Variants in BAAT observed in about 807,000 individuals in gnomAD.
BAAT encodes the protein bile acid-CoA:amino acid N-acyltransferase, also known as bile acid CoA: amino acid N-acyltransferase (glycine N-choloyltransferase).
BAAT carries 13 observed loss-of-function variants against 18.9 expected under a neutral mutation model. The ratio of observed to expected loss-of-function variants is 0.69; its 90% CI spans 0.45 to 1.10. The LOEUF is 1.10. Ranked by LOEUF, BAAT falls within the 50% of genes least tolerant of loss-of-function variation. The pLI, the probability that BAAT is intolerant of heterozygous loss-of-function variation, is 0.00. For synonymous variants in BAAT, 170 were observed against 190.7 expected (o/e 0.89, Z 0.89); for missense variants, 489 against 504.0 (o/e 0.97, Z 0.28).
rs758476278 is a variant in BAAT at position 101,371,347 on chromosome 9, G to T, written c.58C>A (p.Arg20=). 8 of 1,613,678 alleles carry T rather than the reference G, an allele frequency of 5.0e-6. 1 individual carries two copies. In the South Asian group the frequency reaches 8.8e-5, roughly 18 times the overall value. The change falls in exon 2 of 4, where the codon CGA becomes AGA. Residue 20 remains arginine (R), a synonymous_variant. Transcript: ENST00000259407. ...TGAAAGGGAATCAGGCCTGTAGCTC[G>T]GATATGCACTGGCTCATCAACAAGT... is the stretch of plus-strand genomic sequence containing the variant. ...SALVDEPVHI[R]ATGLIPFQMV... is the part of the protein sequence containing the mutation.
intron 1 of BAAT, chr9:101,375,678 G>C (rs932718338): frequency 6.5e-6 from 1 of 154,968 alleles, no homozygotes; most frequent in Non-Finnish European, 1.4e-5. Context: ...AACCGCGGGC[G>C]AACTGGGAGG....
rs957226162 is a variant in BAAT at position 101,362,221 on chromosome 9, T to C, written c.*207A>G. On this transcript the variant is annotated 3_prime_UTR_variant, in exon 4 of 4. Coordinates refer to ENST00000259407, the MANE Select transcript of BAAT (RefSeq NM_001701.4). ...GTAAATAATAAGTAAAATGATTTGT[T>C]TTATGATTTATTCACCATGTCCAGT... 1.6e-6 allele frequency: 1 copy of C among 624,270 alleles called. No homozygotes were observed. The highest frequency in any genetic ancestry group is 2.8e-6 in the Non-Finnish European group (1 of 358,784). 38.7% of individuals were successfully genotyped at this position (624,270 alleles called of 1,614,324 possible). A position where few individuals can be genotyped will look rare whatever the true frequency, so the allele number is the denominator to read the frequency against.
intron 2 of BAAT, among the ~76,000 whole-genome samples, chr9:101,370,327 T>TA (rs1829911837): frequency 6.9e-6 from 1 of 143,894 alleles, no homozygotes; most frequent in Non-Finnish European, 1.5e-5. Context: ...ATCCTTTTTT[T>TA]TTTTTTTTTT....
rs1008136811 is a variant in BAAT at position 101,384,995 on chromosome 9, G to T, written c.-200C>A. Among the ~76,000 whole-genome samples, 1 of 151,902 alleles carries T rather than the reference G, an allele frequency of 6.6e-6. No homozygotes were observed. The highest frequency in any genetic ancestry group is 1.9e-4 in the East Asian group (1 of 5,166). ...CGGGGGTGATGTCACATATCAGCAG[G>T]ACCGTGAGGCCCCGAGCCACAAAAC... On this transcript the variant is annotated 5_prime_UTR_variant, in exon 1 of 4. Transcript: ENST00000259407.
At chr9:101,370,875 T>C (rs1239142812) in intron 2 of BAAT, 64 bp downstream of exon 2, 22 of 1,542,724 alleles carry the variant, frequency 1.4e-5, no homozygotes, top group Non-Finnish European at 1.8e-5. Context: ...GCTAAATTTC[T>C]AGACGGATAA....
intron 2 of BAAT, among the ~76,000 whole-genome samples, chr9:101,368,969 C>T (rs75013497): frequency 6.6e-6 from 1 of 152,120 alleles, no homozygotes; most frequent in Non-Finnish European, 1.5e-5. Context: ...GTGATGAAAC[C>T]TTACACCTAA....
chr9:101,372,739 A>C (rs1197566096), intron 1 of BAAT, among the ~76,000 whole-genome samples: 1 of 152,024 alleles, frequency 6.6e-6, no homozygotes, highest in Non-Finnish European at 1.5e-5. Flanking sequence ...CTCCATAGGA[A>C]ACAGAAAGTT....
intron 1 of BAAT, among the ~76,000 whole-genome samples, chr9:101,377,171 A>C (rs1010143335): frequency 2.0e-4 from 31 of 152,182 alleles, no homozygotes; most frequent in African/African-American, 7.2e-4. Context: ...GAGATAATAA[A>C]ATTTTTGTTT....
intron 1 of BAAT, among the ~76,000 whole-genome samples, chr9:101,372,623 G>GTT (rs5899439): frequency 0.048 from 6,441 of 133,742 alleles, 344 homozygotes; most frequent in African/African-American, 0.13. Context: ...GGGGTTGTTG[G>GTT]TTTTTTTTTT....
chr9:101,378,005 T>C (rs1281980194), intron 1 of BAAT, among the ~76,000 whole-genome samples: 1 of 152,062 alleles, frequency 6.6e-6, no homozygotes, highest in Non-Finnish European at 1.5e-5. Flanking sequence ...CAATCACAAC[T>C]GCTACAAAGA....
rs190066838 is a variant in BAAT, at chr9:101,362,153, T to C, written c.*275A>G. 3 of 547,412 alleles carry C rather than the reference T, an allele frequency of 5.5e-6. No individual in the cohort carries two copies. Among genetic ancestry groups the C allele is most frequent in the East Asian group, 6.4e-5 (2 of 31,038 alleles). 33.9% of individuals were successfully genotyped at this position (547,412 alleles called of 1,614,324 possible). A position where few individuals can be genotyped will look rare whatever the true frequency, so the allele number is the denominator to read the frequency against. On this transcript the variant is annotated 3_prime_UTR_variant, in exon 4 of 4. Coordinates refer to ENST00000259407, the MANE Select transcript of BAAT (RefSeq NM_001701.4). ...TTTTCTTATTTTTGCCAGTGTACTA[T>C]ACCTCAGTCCTATTTAGAAGACCTG...
chr9:101,368,682 T>C (rs1363057964), intron 2 of BAAT, among the ~76,000 whole-genome samples: 1 of 152,170 alleles, frequency 6.6e-6, no homozygotes, highest in Middle Eastern at 3.2e-3. Context: ...GTAGTTTCTA[T>C]ACTCTTGTTG....
intron 1 of BAAT, among the ~76,000 whole-genome samples, chr9:101,377,585 A>G (rs1830068459): frequency 6.6e-6 from 1 of 152,238 alleles, no homozygotes; most frequent in Non-Finnish European, 1.5e-5. Context: ...TCAGTAAACT[A>G]GATATTGATG....
At chr9:101,367,122 A>C (rs1829843841) in intron 3 of BAAT, among the ~76,000 whole-genome samples, 1 of 151,414 alleles carries the variant, frequency 6.6e-6, no homozygotes, top group Non-Finnish European at 1.5e-5. Flanking sequence ...AAAAGAAAAA[A>C]AAAAAAAAAA....
intron 1 of BAAT, chr9:101,376,197 T>C (rs1341034505): frequency 1.1e-5 from 2 of 175,646 alleles, no homozygotes; most frequent in Non-Finnish European, 2.6e-5. Flanking sequence ...TTCATATTTG[T>C]CCCAGAAGGT....
At chr9:101,367,680 T>C in intron 3 of BAAT, among the ~76,000 whole-genome samples, 1 of 152,044 alleles carries the variant, frequency 6.6e-6, no homozygotes, top group East Asian at 1.9e-4. Flanking sequence ...GAGAAAGAGT[T>C]TGGCTATGTT....
At chr9:101,376,355 G>A in intron 1 of BAAT, 1 of 206,262 alleles carries the variant, frequency 4.8e-6, no homozygotes, top group Non-Finnish European at 1.1e-5. Flanking sequence ...CTCTTTCCAG[G>A]CATTACTCAT....
chr9:101,362,812 C>A lies in BAAT; in HGVS notation c.873G>T (p.Gly291=). 6.2e-7 allele frequency: 1 copy of A among 1,614,134 alleles called. No homozygotes were observed. The change falls in exon 4 of 4, where the codon GGG becomes GGT. Residue 291 remains glycine, a synonymous_variant. Coordinates refer to ENST00000259407, the MANE Select transcript of BAAT (RefSeq NM_001701.4). ...CAAAAGTGCGATAGAGCTCTAGTAACCCCAAGGCATTGGTGGATATTAATT... is the reference window on the plus strand; with the variant it reads ...CAAAAGTGCGATAGAGCTCTAGTAAACCCAAGGCATTGGTGGATATTAATT... ...SAQLISTNAL[G]LLELYRTFET...
rs370815338 is a variant in BAAT, at chr9:101,371,310, A to C, written c.95T>G (p.Phe32Cys). ...GTTTTCATCTTCCAGTGATGCCTGA[A>C]AACTCACCATCTGAAAGGGAATCAG... ...TGLIPFQMVSFQASLEDENGD... is the reference protein window; with the variant it reads ...TGLIPFQMVSCQASLEDENGD... The change falls in exon 2 of 4, where the codon TTT becomes TGT. Residue 32 changes from phenylalanine to cysteine, a missense_variant. Coordinates refer to ENST00000259407, the MANE Select transcript of BAAT (RefSeq NM_001701.4). 4 of 1,613,936 alleles carry C rather than the reference A, an allele frequency of 2.5e-6. No individual in the cohort carries two copies. The highest frequency in any genetic ancestry group is 3.4e-6 in the Non-Finnish European group (4 of 1,179,860).
Sources: allele counts gnomAD v4.1 joint callset (sites outside exome capture counted in the v4.1 genomes callset), GRCh38; gene constraint gnomAD v4.1.1; transcripts MANE v1.5; gene names NCBI Gene and HGNC (gene_info 2026-07-23, HGNC 2026-07-21).